The following HARS1 variants were observed in gnomAD, a reference collection of about 807,000 sequenced individuals.
The protein encoded by HARS1 is histidyl-tRNA synthetase 1.
A neutral mutation model predicts 63.6 loss-of-function variants in HARS1; 45 were observed. The ratio of observed to expected loss-of-function variants is 0.71; its 90% CI spans 0.56 to 0.91. The LOEUF is 0.91. Ranked by LOEUF, HARS1 falls within the 40% of genes least tolerant of loss-of-function variation. The pLI, the probability that HARS1 is intolerant of heterozygous loss-of-function variation, is 0.00. For synonymous variants in HARS1, 205 were observed against 247.1 expected (o/e 0.83, Z 1.60); for missense variants, 508 against 643.2 (o/e 0.79, Z 2.27).
chr5:140,690,231 C>G (rs1224773680), intron 2 of HARS1, among the ~76,000 whole-genome samples: 1 of 152,172 alleles, frequency 6.6e-6, no homozygotes, highest in Non-Finnish European at 1.5e-5. Context: ...GCGGGCAGAT[C>G]ACTTGAGGTC....
Position 140,674,294 on chromosome 5 carries a change from A to G in HARS1, c.1493T>C (p.Ile498Thr). The G allele has an allele frequency of 6.2e-7, 1 of 1,612,482 alleles. No individual in the cohort carries two copies. ...GAGGGGCTGGCCTGTTCTCCTTTTG[A>G]TTTCCTCCACAAGGTCTTCTCTTCG... is the stretch of plus-strand genomic sequence containing the variant. ...DVRREDLVEE[I>T]KRRTGQPLCI... Residue 498 changes from isoleucine to threonine, a missense_variant, in exon 13 of 13, where the codon ATC becomes ACC. Transcript: ENST00000504156.
intron 7 of HARS1, 64 bp from the exon 8 acceptor site, chr5:140,677,484 C>T: frequency 7.5e-7 from 1 of 1,331,642 alleles, no homozygotes; most frequent in Non-Finnish European, 1.1e-6. Flanking sequence ...CAAGTGTGTA[C>T]TGTCCTCGGG....
Position 140,679,858 on chromosome 5 carries a change from TC to T in HARS1, c.325del (p.Glu109LysfsTer9). Reference sequence around the variant, plus strand: ...CAGGTCATAGATAAGCTTGGAGTCTTCCCCATACTTTCCCATCAGTGTTTCC... The same window carrying T: ...CAGGTCATAGATAAGCTTGGAGTCTTCCCATACTTTCCCATCAGTGTTTCC... ...LKETLMGKYG[E>X]DSKLIYDLKD... On this transcript the variant is annotated frameshift_variant, in exon 4 of 13. Coordinates refer to ENST00000504156, the MANE Select transcript of HARS1 (RefSeq NM_002109.6). LOFTEE classifies it high-confidence loss of function. This position sits in a 1 kb window ranked among gnomAD's most constrained non-coding sequence, Gnocchi z 4.3. 6.2e-7 allele frequency: 1 copy of T among 1,604,142 alleles called. No homozygotes were observed. The highest frequency in any genetic ancestry group is 8.5e-7 in the Non-Finnish European group (1 of 1,171,116).
chr5:140,674,427 C>T (rs1259985024), intron 12 of HARS1, 99 bp from the exon 13 acceptor site: 1 of 919,170 alleles, frequency 1.1e-6, no homozygotes, highest in Non-Finnish European at 1.8e-6. Flanking sequence ...AGGCTTGTCT[C>T]AGCTGGGAGC....
chr5:140,678,837 C>G, intron 5 of HARS1, 165 bp downstream of exon 5: 1 of 659,254 alleles, frequency 1.5e-6, no homozygotes, highest in Non-Finnish European at 2.5e-6. Flanking sequence ...GAGCGAGACT[C>G]CGTCTCAAAA....
chr5:140,688,224 T>C (rs903237342), intron 2 of HARS1, among the ~76,000 whole-genome samples: 1 of 152,232 alleles, frequency 6.6e-6, no homozygotes, highest in African/African-American at 2.4e-5. Flanking sequence ...TTTTCTATTG[T>C]TAATACTAAA....
In HARS1 at chr5:140,691,331, T is replaced by A; in HGVS notation, c.-27A>T. On this transcript the variant is annotated 5_prime_UTR_variant, in exon 1 of 13. Coordinates refer to ENST00000504156, the MANE Select transcript of HARS1 (RefSeq NM_002109.6). Reference sequence around the variant, plus strand: ...CCGGCTGTCCACTTGAGCCGCCTGCTGTCTCGACCTGCGGTGGTTGCCCCA... The same window carrying A: ...CCGGCTGTCCACTTGAGCCGCCTGCAGTCTCGACCTGCGGTGGTTGCCCCA... 1 of 1,553,220 alleles carries A rather than the reference T, an allele frequency of 6.4e-7. No homozygotes were observed. The highest frequency in any genetic ancestry group is 8.8e-7 in the Non-Finnish European group (1 of 1,142,806).
In HARS1 at chr5:140,677,088, G is replaced by A. The variant is rs202034204; in HGVS notation, c.852C>T (p.Leu284=). Residue 284 remains leucine (L), a synonymous_variant, in exon 9 of 13, where the codon CTC becomes CTT. Coordinates refer to ENST00000504156, the MANE Select transcript of HARS1 (RefSeq NM_002109.6). The part of the protein sequence containing the change: ...HGGVSLVEQL[L]QDPKLSQNKQ... ...TGTTTTGGGATAGTTTAGGATCCTG[G>A]AGCAGCTGTTCCACCAGGGATACCC... 54 of 1,614,122 alleles carry A rather than the reference G, an allele frequency of 3.3e-5. No individual in the cohort carries two copies. In the African/African-American group the frequency reaches 7.1e-4, roughly 21 times the overall value.
chr5:140,674,969 G>A (rs1581500750), intron 11 of HARS1, 48 bp downstream of exon 11: 5 of 1,477,670 alleles, frequency 3.4e-6, no homozygotes, highest in Non-Finnish European at 4.7e-6. Flanking sequence ...TTCAGTTTGT[G>A]TCCAGCACAC....
At chr5:140,688,041 T>C (rs1581524972) in intron 2 of HARS1, 1 of 152,028 alleles carries the variant, frequency 6.6e-6, no homozygotes. Flanking sequence ...GAGGCGGAGG[T>C]TGCAGTGAGC....
At chr5:140,677,477 G>T in intron 7 of HARS1, 57 bp from the exon 8 acceptor site, 1 of 1,343,176 alleles carries the variant, frequency 7.4e-7, no homozygotes, top group Non-Finnish European at 1.1e-6. Flanking sequence ...CACAGAGCAA[G>T]TGTGTACTGT....
chr5:140,691,294 C>A lies in HARS1; in HGVS notation c.11G>T (p.Arg4Leu), dbSNP rs1759419068. 2 of 1,605,928 alleles carry A rather than the reference C, an allele frequency of 1.2e-6. No individual in the cohort carries two copies. Among genetic ancestry groups the A allele is most frequent in the Admixed American group, 1.7e-5 (1 of 59,776 alleles). Residue 4 changes from arginine to leucine, a missense_variant, in exon 1 of 13, where the codon CGT becomes CTT. This residue lies in a region of HARS1 where 105 missense variants were observed against 94.5 expected (regional missense o/e 1.11). Coordinates refer to ENST00000504156, the MANE Select transcript of HARS1 (RefSeq NM_002109.6). Reference protein sequence around the residue: MAERAALEELVKLQ... With the variant: MAELAALEELVKLQ... ...TTTCACCAGCTCCTCCAGCGCCGCACGCTCTGCCATCCCGGCTGTCCACTT... is the reference window on the plus strand; with the variant it reads ...TTTCACCAGCTCCTCCAGCGCCGCAAGCTCTGCCATCCCGGCTGTCCACTT...
chr5:140,679,419 G>A lies in HARS1; in HGVS notation c.397-292C>T. ...GACCAGAAAAAGGCGACCAGAAAAA[G>A]GCCCCCATATGGGATTTCTAAGCAG... On this transcript the variant is annotated intron_variant, in intron 4 of 12. Coordinates refer to ENST00000504156, the MANE Select transcript of HARS1 (RefSeq NM_002109.6). This position sits in a 1 kb window ranked among gnomAD's most constrained non-coding sequence, Gnocchi z 4.3. 2.4e-6 allele frequency: 1 copy of A among 411,442 alleles called. No homozygotes were observed. The highest frequency in any genetic ancestry group is 4.3e-6 in the Non-Finnish European group (1 of 230,544). 25.5% of individuals were successfully genotyped at this position (411,442 alleles called of 1,614,324 possible).
At chr5:140,684,470 G>C in intron 2 of HARS1, 1 of 941,072 alleles carries the variant, frequency 1.1e-6, no homozygotes, top group Non-Finnish European at 1.3e-6. Flanking sequence ...AGTTACAACT[G>C]TTTGTTCTCT....
Position 140,674,096 on chromosome 5 carries a change from T to C in HARS1, c.*161A>G. 2.9e-6 allele frequency: 2 copies of C among 697,916 alleles called. No individual in the cohort carries two copies. The allele number at this position is 697,916 out of a possible 1,614,324, so 43.2% of individuals were successfully genotyped here. On this transcript the variant is annotated 3_prime_UTR_variant, in exon 13 of 13. Coordinates refer to ENST00000504156, the MANE Select transcript of HARS1 (RefSeq NM_002109.6). ...ACCTGGCCGTTTTTGCCAGTAATAA[T>C]CAATAAAATAACCATAATAAAAATC...
At chr5:140,674,479 G>T in intron 12 of HARS1, 151 bp from the exon 13 acceptor site, 1 of 800,324 alleles carries the variant, frequency 1.2e-6, no homozygotes, top group Non-Finnish European at 2.1e-6. Context: ...GTGCCTCTTG[G>T]GGGAGCCAAC....
Position 140,679,213 on chromosome 5 carries a change from C to T in HARS1, c.397-86G>A. ...CACCAACAGAAGCTGGGGTCTAACC[C>T]CTCCCTATGTGGGTAAAACTGCCAC... is the stretch of plus-strand genomic sequence containing the variant. On this transcript the variant is annotated intron_variant, in intron 4 of 12. Coordinates refer to ENST00000504156, the MANE Select transcript of HARS1 (RefSeq NM_002109.6). The surrounding 1 kb of genome is among the most constrained non-coding windows in gnomAD (Gnocchi z 4.3). The T allele has an allele frequency of 7.3e-7, 1 of 1,370,648 alleles. No homozygotes were observed. The highest frequency in any genetic ancestry group is 1.0e-6 in the Non-Finnish European group (1 of 977,362). 84.9% of individuals were successfully genotyped at this position (1,370,648 alleles called of 1,614,324 possible). A position where few individuals can be genotyped will look rare whatever the true frequency, so the allele number is the denominator to read the frequency against.
intron 3 of HARS1, among the ~76,000 whole-genome samples, chr5:140,682,225 AT>A (rs558666140): frequency 0.011 from 1,672 of 148,480 alleles, 27 homozygotes; most frequent in African/African-American, 0.037. Context: ...CTCTATTTGT[AT>A]TTTTTTTTTT....
chr5:140,691,332 G>C lies in HARS1; in HGVS notation c.-28C>G, dbSNP rs1759425501. ...CGGCTGTCCACTTGAGCCGCCTGCT[G>C]TCTCGACCTGCGGTGGTTGCCCCAG... On this transcript the variant is annotated 5_prime_UTR_variant, in exon 1 of 13. Transcript: ENST00000504156. 6.4e-7 allele frequency: 1 copy of C among 1,552,614 alleles called. No individual in the cohort carries two copies. The highest frequency in any genetic ancestry group is 1.4e-5 in the African/African-American group (1 of 73,680).
Sources: allele counts gnomAD v4.1 joint callset (sites outside exome capture counted in the v4.1 genomes callset), GRCh38; gene constraint gnomAD v4.1.1; regional missense constraint gnomAD v4.1.1; non-coding constraint Gnocchi (gnomAD v3.1); transcripts MANE v1.5; gene names NCBI Gene and HGNC (gene_info 2026-07-23, HGNC 2026-07-21).